The following SH3D19 variants were observed in gnomAD, a reference collection of about 807,000 sequenced individuals.
The protein encoded by SH3D19 is SH3 domain-containing protein 19.
SH3D19 carries 58 observed loss-of-function variants against 112.1 expected under a neutral mutation model. The observed-to-expected ratio is 0.52, with a 90% CI of 0.42 to 0.64. The LOEUF is 0.64. SH3D19 is among the 30% of genes least tolerant of loss of function. SH3D19 has a pLI of 0.00. For missense variants in SH3D19, 1,090 were observed against 1,263.4 expected (o/e 0.86, Z 2.08); for synonymous variants, 391 against 448.5 (o/e 0.87, Z 1.62).
At chr4:151,213,965 T>C (rs572634815) in intron 2 of SH3D19, among the ~76,000 whole-genome samples, 9 of 151,116 alleles carry the variant, frequency 6.0e-5, no homozygotes, top group African/African-American at 2.2e-4. Context: ...GGTCAGCAGA[T>C]AAACAAGTGA....
chr4:151,139,823 C>T lies in SH3D19; in HGVS notation c.2248G>A (p.Val750Ile). The T allele has an allele frequency of 2.5e-6, 4 of 1,614,192 alleles. No homozygotes were observed. The highest frequency in any genetic ancestry group is 3.4e-6 in the Non-Finnish European group (4 of 1,180,030). ...PNDPSHAQKPVDSGAPHAVVL... is the reference protein window; with the variant it reads ...PNDPSHAQKPIDSGAPHAVVL... ...ACAGCATGAGGAGCACCACTGTCAA[C>T]AGGCTTCTGAGCGTGGCTTGGATCC... is the stretch of plus-strand genomic sequence containing the variant. Residue 750 changes from valine to isoleucine, a missense_variant, in exon 13 of 20, where the codon GTT becomes ATT. Transcript: ENST00000604030.
intron 2 of SH3D19, among the ~76,000 whole-genome samples, chr4:151,197,082 T>C (rs1181774762): frequency 6.6e-6 from 1 of 152,192 alleles, no homozygotes; most frequent in Non-Finnish European, 1.5e-5. Flanking sequence ...TGGAAAACAG[T>C]GTGGAGATTC....
intron 16 of SH3D19, 104 bp from the exon 17 acceptor site, chr4:151,132,487 C>T: frequency 1.1e-6 from 1 of 952,020 alleles, no homozygotes; most frequent in South Asian, 1.4e-5. Flanking sequence ...AGTGAAGACT[C>T]TGGGATTCCA....
intron 1 of SH3D19, among the ~76,000 whole-genome samples, chr4:151,304,139 T>C (rs909824703): frequency 1.3e-5 from 2 of 152,078 alleles, no homozygotes; most frequent in Middle Eastern, 3.2e-3. Flanking sequence ...AATCAGTTTT[T>C]TTCTTTAAGC....
At chr4:151,158,937 A>G (rs1424201362) in intron 9 of SH3D19, among the ~76,000 whole-genome samples, 2 of 152,196 alleles carry the variant, frequency 1.3e-5, no homozygotes, top group Non-Finnish European at 2.9e-5. Context: ...CCTGAATATT[A>G]AAGGTTTTTA....
chr4:151,164,447 C>T (rs1757647207), intron 8 of SH3D19, among the ~76,000 whole-genome samples: 2 of 152,128 alleles, frequency 1.3e-5, no homozygotes. Context: ...GTGGCTTTCC[C>T]ATTATAATAA....
chr4:151,211,265 C>T (rs987545400), intron 2 of SH3D19, among the ~76,000 whole-genome samples: 20 of 146,192 alleles, frequency 1.4e-4, no homozygotes, highest in African/African-American at 5.1e-4. Flanking sequence ...AGCAAAACTC[C>T]ATCTCAAAAA....
chr4:151,235,145 A>G (rs1427723331), intron 1 of SH3D19, among the ~76,000 whole-genome samples: 1 of 152,148 alleles, frequency 6.6e-6, no homozygotes, highest in African/African-American at 2.4e-5. Context: ...CCAGGTAATG[A>G]GCACAGCACC....
intron 1 of SH3D19, among the ~76,000 whole-genome samples, chr4:151,286,617 C>G (rs1363087357): frequency 6.9e-6 from 1 of 144,712 alleles, no homozygotes; most frequent in African/African-American, 2.5e-5. Context: ...AAAAAAAAAA[C>G]TACGAAGAAA....
intron 2 of SH3D19, among the ~76,000 whole-genome samples, chr4:151,203,203 C>G (rs551159184): frequency 6.6e-6 from 1 of 152,102 alleles, no homozygotes; most frequent in Non-Finnish European, 1.5e-5. Context: ...ATCGCAGCAT[C>G]GGTGCCACTG....
rs763859386 is a variant in SH3D19, at chr4:151,233,701, G to A, written c.113-7615C>T. Reference sequence around the variant, plus strand: ...CATATTTGCAGGTTCCAGGGATTACGATGTGGACATCTTTGTGCGGAGGGG... The same window carrying A: ...CATATTTGCAGGTTCCAGGGATTACAATGTGGACATCTTTGTGCGGAGGGG... On this transcript the variant is annotated intron_variant, in intron 1 of 19. Coordinates refer to ENST00000604030, the MANE Select transcript of SH3D19 (RefSeq NM_001378122.1). 5.3e-5 allele frequency among the ~76,000 whole-genome samples: 8 copies of A among 152,166 alleles called. No homozygotes were observed. The East Asian group carries it at 9.6e-4, about 18-fold the overall frequency.
rs1752628147 is a variant in SH3D19, at chr4:151,139,681, G to A, written c.2296+94C>T. Reference sequence around the variant, plus strand: ...TCGGACTCTATAGGCACAGAAAAATGAAGAAGGATGTCCTTGAGAGGCTAA... The same window carrying A: ...TCGGACTCTATAGGCACAGAAAAATAAAGAAGGATGTCCTTGAGAGGCTAA... On this transcript the variant is annotated intron_variant, in intron 13 of 19. Transcript: ENST00000604030. 3 of 1,092,516 alleles carry A rather than the reference G, an allele frequency of 2.7e-6. No individual in the cohort carries two copies. The South Asian group carries it at 4.0e-5, about 15-fold the overall frequency. 67.7% of individuals were successfully genotyped at this position (1,092,516 alleles called of 1,614,324 possible). A position where few individuals can be genotyped will look rare whatever the true frequency, so the allele number is the denominator to read the frequency against.
At chr4:151,297,780 A>C (rs1416619966) in intron 1 of SH3D19, among the ~76,000 whole-genome samples, 1 of 152,198 alleles carries the variant, frequency 6.6e-6, no homozygotes, top group African/African-American at 2.4e-5. Flanking sequence ...GAATCTGTGA[A>C]TATGTTACTA....
intron 2 of SH3D19, among the ~76,000 whole-genome samples, chr4:151,188,979 C>G (rs1762215952): frequency 6.6e-6 from 1 of 152,034 alleles, no homozygotes; most frequent in African/African-American, 2.4e-5. Context: ...GACTGCTGGT[C>G]AACCTCCATA....
chr4:151,318,342 A>C (rs1264566864), intron 1 of SH3D19, among the ~76,000 whole-genome samples: 2 of 151,778 alleles, frequency 1.3e-5, no homozygotes, highest in Non-Finnish European at 1.5e-5. Flanking sequence ...AAAAGAAAAG[A>C]AAAGCTGAGC....
intron 2 of SH3D19, 88 bp from the exon 3 acceptor site, chr4:151,187,551 T>C (rs955972018): frequency 4.2e-6 from 3 of 722,136 alleles, no homozygotes; most frequent in South Asian, 7.0e-5. Context: ...TGGGATTCAA[T>C]ATGGTGCTAA....
chr4:151,310,640 C>G (rs555162198), intron 1 of SH3D19, among the ~76,000 whole-genome samples: 2 of 150,334 alleles, frequency 1.3e-5, no homozygotes, highest in Non-Finnish European at 3.0e-5. Flanking sequence ...GGTAGGATCT[C>G]GGCTCACTGC....
intron 1 of SH3D19, chr4:151,279,742 C>T: frequency 6.5e-7 from 1 of 1,538,858 alleles, no homozygotes; most frequent in Non-Finnish European, 9.0e-7. Context: ...AAGGTGGGGA[C>T]CAGAGAAACA....
chr4:151,286,204 A>C (rs1268275454), intron 1 of SH3D19, among the ~76,000 whole-genome samples: 1 of 140,782 alleles, frequency 7.1e-6, no homozygotes, highest in Non-Finnish European at 1.6e-5. Flanking sequence ...AAAAAAAAAA[A>C]CAACTAAACC....
Sources: allele counts gnomAD v4.1 joint callset (sites outside exome capture counted in the v4.1 genomes callset), GRCh38; gene constraint gnomAD v4.1.1; transcripts MANE v1.5; gene names NCBI Gene and HGNC (gene_info 2026-07-23, HGNC 2026-07-21).